The following EEF2 variants were observed in gnomAD, a reference collection of about 807,000 sequenced individuals.
EEF2 encodes elongation factor 2.
EEF2 carries 21 observed loss-of-function variants against 85.3 expected under a neutral mutation model. That is an observed-to-expected ratio of 0.25 (90% CI 0.17 to 0.35). The LOEUF (loss-of-function observed/expected upper bound fraction) is 0.35, where lower values mean the gene tolerates loss of function less well. Among genes scored for constraint, EEF2 ranks in the 10% least tolerant of loss-of-function variants. EEF2 has a pLI of 1.00. For synonymous variants in EEF2, 723 were observed against 508.8 expected (o/e 1.42, Z -5.67); for missense variants, 825 against 1,225.3 (o/e 0.67, Z 4.88).
intron 6 of EEF2, 98 bp downstream of exon 6, chr19:3,981,849 G>C: frequency 9.0e-7 from 1 of 1,106,484 alleles, no homozygotes; most frequent in Non-Finnish European, 1.3e-6. Context: ...GCCCCACAAG[G>C]AGACGGGCCC....
At chr19:3,980,751 C>A in intron 8 of EEF2, 42 bp from the exon 9 acceptor site, 1 of 1,603,096 alleles carries the variant, frequency 6.2e-7, no homozygotes, top group Non-Finnish European at 8.5e-7. Context: ...TCCAGTGCAG[C>A]TCAGCCTTCT....
chr19:3,981,306 C>A (rs373854670), intron 7 of EEF2, 33 bp downstream of exon 7: 1 of 1,598,172 alleles, frequency 6.3e-7, no homozygotes, highest in African/African-American at 1.3e-5. Context: ...AGCCTGTGTT[C>A]CCTCCACCCC....
At chr19:3,984,399 A>G (rs1272028285) in intron 1 of EEF2, 49 bp from the exon 2 acceptor site, 21 of 1,589,576 alleles carry the variant, frequency 1.3e-5, no homozygotes, top group Non-Finnish European at 1.8e-5. Flanking sequence ...CCAGGAACAC[A>G]GCATGGCACG....
rs369022270 is a variant in EEF2 at position 3,985,394 on chromosome 19, G to C, written c.-14C>G. ...GTTACTCACCATGGTGGCGGATGGC[G>C]GTGGATTCTCCCAGGTAGAACCGAA... On this transcript the variant is annotated 5_prime_UTR_variant, in exon 1 of 15. Transcript: ENST00000309311. 9 of 1,510,940 alleles carry C rather than the reference G, an allele frequency of 6.0e-6. No homozygotes were observed. Among genetic ancestry groups the C allele is most frequent in the South Asian group, 1.3e-5 (1 of 79,326 alleles). 93.6% of individuals were successfully genotyped at this position (1,510,940 alleles called of 1,614,324 possible). A position where few individuals can be genotyped will look rare whatever the true frequency, so the allele number is the denominator to read the frequency against.
At chr19:3,983,343 G>A in intron 2 of EEF2, 52 bp from the exon 3 acceptor site, 2 of 1,569,750 alleles carry the variant, frequency 1.3e-6, no homozygotes, top group East Asian at 2.3e-5. Context: ...ACCTGGCCCA[G>A]GGAGTCTGGG....
chr19:3,982,635 C>A, intron 4 of EEF2, 172 bp downstream of exon 4: 2 of 1,091,324 alleles, frequency 1.8e-6, no homozygotes, highest in South Asian at 1.4e-5. Context: ...TCCAGCTGCC[C>A]AAAGATCAAG....
chr19:3,979,567 A>G, intron 10 of EEF2, 131 bp from the exon 11 acceptor site: 1 of 943,586 alleles, frequency 1.1e-6, no homozygotes, highest in Admixed American at 2.5e-5. Flanking sequence ...AACTGGGACC[A>G]GCACAAACTC....
In EEF2 at chr19:3,977,400, G is replaced by A. The variant is rs1568198493; in HGVS notation, c.2250+28C>T. 4 of 1,589,634 alleles carry A rather than the reference G, an allele frequency of 2.5e-6. No individual in the cohort carries two copies. The East Asian group carries it at 9.1e-5, about 36-fold the overall frequency. ...GTGGCCGCTGGGCAGGACGGTGGCA[G>A]GGTCAGCGGTGGGCGGGTAGACCTC... On this transcript the variant is annotated intron_variant, in intron 13 of 14. Coordinates refer to ENST00000309311, the MANE Select transcript of EEF2 (RefSeq NM_001961.4). The surrounding 1 kb of genome is among the most constrained non-coding windows in gnomAD (Gnocchi z 5.4).
chr19:3,976,489 T>C lies in EEF2; in HGVS notation c.*65A>G. On this transcript the variant is annotated 3_prime_UTR_variant, in exon 15 of 15. Transcript: ENST00000309311. ...ACAGTCTCCAGGTGTCGTCTGAGAA[T>C]TCGAGGACGTGGTGCTGTGGGTGCT... 4 of 1,535,342 alleles carry C rather than the reference T, an allele frequency of 2.6e-6. No homozygotes were observed. The highest frequency in any genetic ancestry group is 3.5e-6 in the Non-Finnish European group (4 of 1,138,794).
intron 1 of EEF2, 120 bp downstream of exon 1, chr19:3,985,258 G>A (rs1402843752): frequency 1.3e-5 from 15 of 1,165,776 alleles, no homozygotes; most frequent in South Asian, 5.2e-5. Flanking sequence ...GGGTCCTCCG[G>A]CCCCGCCGCC....
In EEF2 at chr19:3,976,380, A is replaced by C. The variant is rs1446881827; in HGVS notation, c.*174T>G. The C allele has an allele frequency of 3.8e-6, 2 of 525,810 alleles. No homozygotes were observed. The highest frequency in any genetic ancestry group is 7.3e-5 in the Admixed American group (2 of 27,458). 32.6% of individuals were successfully genotyped at this position (525,810 alleles called of 1,614,324 possible). On this transcript the variant is annotated 3_prime_UTR_variant, in exon 15 of 15. Transcript: ENST00000309311. ...CTCCGGACTCTGGAAATAAATATTG[A>C]AAGAAACGGCATCAAGTGTTATGGT...
rs147383237 is a variant in EEF2 at position 3,977,960 on chromosome 19, G to A, written c.1926C>T (p.Asp642=). Residue 642 remains aspartate (D), a synonymous_variant, in exon 12 of 15, where the codon GAC becomes GAT. Transcript: ENST00000309311. The surrounding 1 kb of genome is among the most constrained non-coding windows in gnomAD (Gnocchi z 5.4). ...ACCAGATCTTGCGGGCCTCAGCCAC[G>A]TCCCACTCGTACTTCTCGGCCAGGT... ...ARYLAEKYEW[D]VAEARKIWCF... is the part of the protein sequence containing the mutation. The A allele has an allele frequency of 9.7e-5, 156 of 1,613,306 alleles. No homozygotes were observed. The highest frequency in any genetic ancestry group is 1.2e-4 in the South Asian group (11 of 91,064).
At chr19:3,976,946 T>G (rs2039686420) in intron 14 of EEF2, among the ~76,000 whole-genome samples, 199 bp from the exon 15 acceptor site, 1 of 152,226 alleles carries the variant, frequency 6.6e-6, no homozygotes, top group Non-Finnish European at 1.5e-5. Context: ...GACAACCCTG[T>G]GCTACAGCTC....
chr19:3,982,191 C>A, intron 5 of EEF2, 55 bp downstream of exon 5: 1 of 1,606,868 alleles, frequency 6.2e-7, no homozygotes, highest in Admixed American at 1.7e-5. Context: ...GCCCCTACGT[C>A]GCTGCCACTA....
At position 3,977,446 on chromosome 19, in the gene EEF2, G is replaced by T. The variant is rs775458404; in HGVS notation, c.2232C>A (p.Ile744=). ...ACCTCACCTGGATCTCCACAAGGTA[G>T]ATGGGCTCCATGAGGCGTGGCTGGG... is the stretch of plus-strand genomic sequence containing the variant. ...LTAQPRLMEP[I]YLVEIQCPEQ... is the part of the protein sequence containing the mutation. The change falls in exon 13 of 15, where the codon ATC becomes ATA. Residue 744 remains isoleucine (I), a synonymous_variant. Coordinates refer to ENST00000309311, the MANE Select transcript of EEF2 (RefSeq NM_001961.4). The surrounding 1 kb of genome is among the most constrained non-coding windows in gnomAD (Gnocchi z 5.4). The T allele has an allele frequency of 1.3e-6, 2 of 1,583,058 alleles. No individual in the cohort carries two copies. The highest frequency in any genetic ancestry group is 1.7e-6 in the Non-Finnish European group (2 of 1,165,302).
Position 3,983,720 on chromosome 19 carries a change from G to C in EEF2, c.218+416C>G, listed in dbSNP as rs997184809. ...CCAACCCAGGACAAAAAGCAGTTGG[G>C]GTCACCGTACTCTGCGCTCCCCCTA... On this transcript the variant is annotated intron_variant, in intron 2 of 14. Transcript: ENST00000309311. The C allele has an allele frequency of 1.4e-5, 4 of 293,456 alleles. No homozygotes were observed. The East Asian group carries it at 3.2e-4, about 23-fold the overall frequency. The allele number at this position is 293,456 out of a possible 1,614,324, so 18.2% of individuals were successfully genotyped here.
In EEF2 at chr19:3,980,861, G is replaced by C; in HGVS notation, c.1130C>G (p.Pro377Arg). 6.4e-7 allele frequency: 1 copy of C among 1,555,774 alleles called. No homozygotes were observed. Among genetic ancestry groups the C allele is most frequent in the Non-Finnish European group, 8.7e-7 (1 of 1,148,746 alleles). Residue 377 changes from proline to arginine, a missense_variant, in exon 8 of 15, where the codon CCG becomes CGG. By Grantham distance (103) the Pro-to-Arg change is moderately radical (BLOSUM62 -2). Coordinates refer to ENST00000309311, the MANE Select transcript of EEF2 (RefSeq NM_001961.4). ...CGTACCCATGGCAGCCTCGTCGTCCGGGGGCCCCTCGTACAGGAGCTCGCA... is the reference window on the plus strand; with the variant it reads ...CGTACCCATGGCAGCCTCGTCGTCCCGGGGCCCCTCGTACAGGAGCTCGCA... ...YRCELLYEGP[P>R]DDEAAMGIKS...
At chr19:3,978,576 C>T (rs1053580767) in intron 11 of EEF2, among the ~76,000 whole-genome samples, 2 of 151,522 alleles carry the variant, frequency 1.3e-5, no homozygotes, top group Non-Finnish European at 2.9e-5. Context: ...GAGGCCGAGG[C>T]GGGTGGATCA....
chr19:3,980,572 T>G lies in EEF2; in HGVS notation c.1288A>C (p.Met430Leu). ...TTCCCAGGGGTATAGTTGGGCCCCA[T>G]GATCCTGACCTTCAGGCCAGTGGAG... Reference protein sequence around the residue: ...LVSTGLKVRIMGPNYTPGKKE... With the variant: ...LVSTGLKVRILGPNYTPGKKE... The change falls in exon 9 of 15, where the codon ATG becomes CTG. Residue 430 changes from methionine (M) to leucine (L), a missense_variant. Met to Leu is a conservative substitution (Grantham distance 15). Transcript: ENST00000309311. The G allele has an allele frequency of 3.1e-6, 5 of 1,614,232 alleles. No homozygotes were observed. Among genetic ancestry groups the G allele is most frequent in the Non-Finnish European group, 4.2e-6 (5 of 1,180,026 alleles).
Sources: gnomAD v4.1 joint callset for allele counts (sites outside exome capture counted in the v4.1 genomes callset) on GRCh38, gnomAD v4.1.1 for gene constraint, Gnocchi (gnomAD v3.1) non-coding constraint, MANE v1.5 for transcripts, NCBI Gene and HGNC (gene_info 2026-07-23, HGNC 2026-07-21) for gene names.